Variants in IER3IP1 observed in about 807,000 individuals in gnomAD.
IER3IP1 encodes immediate early response 3-interacting protein 1.
In IER3IP1, 16 loss-of-function variants were observed where a neutral mutation model predicts 12.2. That is an observed-to-expected ratio of 1.31 (90% CI 0.89 to 1.99). IER3IP1 has a LOEUF of 1.99. IER3IP1 is among the 30% of genes most tolerant of loss of function. IER3IP1 has a pLI of 0.00. For missense variants in IER3IP1, 95 were observed against 95.8 expected (o/e 0.99, Z 0.03); for synonymous variants, 42 against 40.0 (o/e 1.05, Z -0.19).
At chr18:47,170,907 C>T (rs2064013347) in intron 1 of IER3IP1, among the ~76,000 whole-genome samples, 1 of 152,084 alleles carries the variant, frequency 6.6e-6, no homozygotes, top group African/African-American at 2.4e-5. Context: ...TTAGAATCCC[C>T]ATTATGATGT....
rs1234368082 is a variant in IER3IP1 at position 47,153,392 on chromosome 18, GATTTT to G, written c.*2780_*2784del. 1.3e-5 allele frequency: 2 copies of G among 151,786 alleles called. No homozygotes were observed. Among genetic ancestry groups the G allele is most frequent in the Non-Finnish European group, 1.5e-5 (1 of 67,962 alleles). The allele number at this position is 151,786 out of a possible 1,614,324, so 9.4% of individuals were successfully genotyped here. ...CCCCTCCCACCCTCCCTAAAGCAGG[GATTTT>G]ATTTTTTTATATTTTTACTTTTTTA... On this transcript the variant is annotated 3_prime_UTR_variant, in exon 3 of 3. Transcript: ENST00000256433.
intron 1 of IER3IP1, among the ~76,000 whole-genome samples, chr18:47,161,631 A>G (rs534214872): frequency 6.6e-6 from 1 of 152,208 alleles, no homozygotes; most frequent in East Asian, 1.9e-4. Flanking sequence ...ATTTGCAGTC[A>G]GTTACTCCAG....
chr18:47,156,255 TTGTTACTATAAAGAAAAA>T (rs751614376), intron 2 of IER3IP1, 23 bp from the exon 3 acceptor site: 7 of 1,411,050 alleles, frequency 5.0e-6, no homozygotes, highest in Non-Finnish European at 7.0e-6. Flanking sequence ...AAAAAAAAGT[TTGTTACTATAAAGAAAAA>T]ACAGAGAAAA....
Position 47,156,083 on chromosome 18 carries a change from T to A in IER3IP1, c.*94A>T, listed in dbSNP as rs2063957754. 3 of 824,678 alleles carry A rather than the reference T, an allele frequency of 3.6e-6. No homozygotes were observed. The highest frequency in any genetic ancestry group is 6.3e-6 in the Non-Finnish European group (3 of 479,830). 51.1% of individuals were successfully genotyped at this position (824,678 alleles called of 1,614,324 possible). The stretch of plus-strand genomic sequence containing the variant: ...CTTTACATTTTTGACAAGTGCAAGG[T>A]CAGCCAGCTAAGATATAAATATTCC... On this transcript the variant is annotated 3_prime_UTR_variant, in exon 3 of 3. Transcript: ENST00000256433.
intron 1 of IER3IP1, among the ~76,000 whole-genome samples, chr18:47,167,255 T>C (rs2063999032): frequency 6.6e-6 from 1 of 152,120 alleles, no homozygotes; most frequent in African/African-American, 2.4e-5. Flanking sequence ...TTCACCATGT[T>C]GGCCAGGCTG....
intron 1 of IER3IP1, among the ~76,000 whole-genome samples, chr18:47,164,458 C>T (rs1400735345): frequency 1.3e-5 from 2 of 151,692 alleles, no homozygotes; most frequent in Non-Finnish European, 2.9e-5. Context: ...TTCTCAGGAA[C>T]CTAGCCAAAG....
chr18:47,174,967 C>T (rs1297469394), intron 1 of IER3IP1, among the ~76,000 whole-genome samples: 2 of 152,034 alleles, frequency 1.3e-5, no homozygotes, highest in Admixed American at 6.6e-5. Context: ...AGTATCTGCC[C>T]GTACTTCTCT....
intron 2 of IER3IP1, 28 bp downstream of exon 2, chr18:47,157,408 A>G (rs1463227563): frequency 6.3e-7 from 1 of 1,579,368 alleles, no homozygotes; most frequent in Non-Finnish European, 8.7e-7. Context: ...TTAAAACTTA[A>G]GAATGCTCTA....
chr18:47,155,961 A>G lies in IER3IP1; in HGVS notation c.*216T>C. On this transcript the variant is annotated 3_prime_UTR_variant, in exon 3 of 3. Coordinates refer to ENST00000256433, the MANE Select transcript of IER3IP1 (RefSeq NM_016097.5). ...GCAATCAGATATTCCAGTCCTGGAG[A>G]GTTACTGCCTTTCATGATCTGATCT... The G allele has an allele frequency of 3.9e-6, 2 of 519,178 alleles. No homozygotes were observed. The allele number at this position is 519,178 out of a possible 1,614,324, so 32.2% of individuals were successfully genotyped here.
chr18:47,156,754 A>G (rs2063960453), intron 2 of IER3IP1: 1 of 151,898 alleles, frequency 6.6e-6, no homozygotes, highest in Non-Finnish European at 1.5e-5. Context: ...ATAGAATGAC[A>G]GATACGAAAT....
At chr18:47,166,019 G>A (rs1286559369) in intron 1 of IER3IP1, among the ~76,000 whole-genome samples, 2 of 152,142 alleles carry the variant, frequency 1.3e-5, no homozygotes, top group Non-Finnish European at 2.9e-5. Flanking sequence ...ATAAATACTT[G>A]TCAAACTGGT....
At chr18:47,159,557 C>G (rs2063972899) in intron 1 of IER3IP1, among the ~76,000 whole-genome samples, 1 of 151,930 alleles carries the variant, frequency 6.6e-6, no homozygotes, top group Non-Finnish European at 1.5e-5. Context: ...AGATGAAATA[C>G]ATAGCATTGG....
At chr18:47,164,060 CTTTT>C (rs1269806254) in intron 1 of IER3IP1, among the ~76,000 whole-genome samples, 1 of 151,968 alleles carries the variant, frequency 6.6e-6, no homozygotes, top group East Asian at 1.9e-4. Context: ...TCCCAGCAAT[CTTTT>C]TTTCTTTTAG....
chr18:47,168,931 C>T (rs958077365), intron 1 of IER3IP1, among the ~76,000 whole-genome samples: 9 of 152,170 alleles, frequency 5.9e-5, no homozygotes, highest in Non-Finnish European at 1.0e-4. Flanking sequence ...CAAAGACCCT[C>T]CAGCTTTCTG....
At chr18:47,165,095 G>T (rs1406786162) in intron 1 of IER3IP1, among the ~76,000 whole-genome samples, 2 of 152,144 alleles carry the variant, frequency 1.3e-5, no homozygotes, top group Non-Finnish European at 2.9e-5. Flanking sequence ...GCAGATCTCA[G>T]CCTCTCTGAG....
rs2063949727 is a variant in IER3IP1, at chr18:47,153,969, T to C, written c.*2208A>G. 4 of 152,218 alleles carry C rather than the reference T, an allele frequency of 2.6e-5. No individual in the cohort carries two copies. Among genetic ancestry groups the C allele is most frequent in the African/African-American group, 9.7e-5 (4 of 41,446 alleles). The allele number at this position is 152,218 out of a possible 1,614,324, so 9.4% of individuals were successfully genotyped here. A position where few individuals can be genotyped will look rare whatever the true frequency, so the allele number is the denominator to read the frequency against. Reference sequence around the variant, plus strand: ...AATTCCTTTGAAAATCTGGTTCTGCTGTTAACTATAAAAGTTTGAAAACCA... The same window carrying C: ...AATTCCTTTGAAAATCTGGTTCTGCCGTTAACTATAAAAGTTTGAAAACCA... On this transcript the variant is annotated 3_prime_UTR_variant, in exon 3 of 3. Coordinates refer to ENST00000256433, the MANE Select transcript of IER3IP1 (RefSeq NM_016097.5).
intron 1 of IER3IP1, among the ~76,000 whole-genome samples, chr18:47,164,977 A>G (rs375807203): frequency 3.3e-5 from 5 of 152,302 alleles, no homozygotes; most frequent in African/African-American, 1.2e-4. Flanking sequence ...CAGACTTCAA[A>G]AAGTCACATA....
rs529300074 is a variant in IER3IP1 at position 47,162,968 on chromosome 18, T to C, written c.92-5431A>G. Among the ~76,000 whole-genome samples, 4 of 152,188 alleles carry C rather than the reference T, an allele frequency of 2.6e-5. No homozygotes were observed. In the South Asian group the frequency reaches 8.3e-4, roughly 32 times the overall value. ...TATGGAATGCTGATATAACCAATAA[T>C]TGGTTGGAGAAGGGAGAGTTTGAGA... On this transcript the variant is annotated intron_variant, in intron 1 of 2. Transcript: ENST00000256433.
At chr18:47,175,868 C>T (rs1242737338) in intron 1 of IER3IP1, among the ~76,000 whole-genome samples, 2 of 151,746 alleles carry the variant, frequency 1.3e-5, no homozygotes, top group South Asian at 2.1e-4. Flanking sequence ...GAGCGAGACT[C>T]CCCCTCAAAA....
Sources: allele counts gnomAD v4.1 joint callset (sites outside exome capture counted in the v4.1 genomes callset), GRCh38; gene constraint gnomAD v4.1.1; transcripts MANE v1.5; gene names NCBI Gene and HGNC (gene_info 2026-07-23, HGNC 2026-07-21).